SS18L1: variants seen among roughly 807,000 people sequenced by gnomAD.
SS18L1 encodes calcium-responsive transactivator.
Under a neutral mutation model 70.3 loss-of-function variants are expected in SS18L1, and 32 were observed. The ratio of observed to expected loss-of-function variants is 0.46; its 90% CI spans 0.34 to 0.61. SS18L1 has a LOEUF of 0.61. SS18L1 is among the 20% of genes least tolerant of loss of function. The probability of loss-of-function intolerance (pLI) is 0.01; values close to 1 mark genes in which losing one functional copy is unlikely to be tolerated. For missense variants in SS18L1, 430 were observed against 542.1 expected (o/e 0.79, Z 2.05); for synonymous variants, 237 against 229.7 (o/e 1.03, Z -0.29).
intron 1 of SS18L1, among the ~76,000 whole-genome samples, chr20:62,145,402 C>G (rs1431489842): frequency 2.0e-5 from 3 of 152,144 alleles, no homozygotes; most frequent in African/African-American, 7.2e-5. Flanking sequence ...TGTTGGTGCC[C>G]CTTGATCTGG....
chr20:62,160,751 T>G (rs573367183), intron 3 of SS18L1, among the ~76,000 whole-genome samples: 94 of 152,056 alleles, frequency 6.2e-4, no homozygotes, highest in African/African-American at 2.2e-3. Context: ...GTCTTGCGAG[T>G]AAAAATGTTA....
intron 1 of SS18L1, chr20:62,154,522 G>C (rs942431173): frequency 1.6e-5 from 16 of 1,016,874 alleles, no homozygotes; most frequent in Non-Finnish European, 1.7e-5. Context: ...CCCCCCAGAG[G>C]TCTCCGTTGG....
rs537968109 is a variant in SS18L1 at position 62,161,808 on chromosome 20, C to T, written c.376+228C>T. Among the ~76,000 whole-genome samples the T allele has an allele frequency of 2.0e-5, 3 of 152,260 alleles. No homozygotes were observed. Among genetic ancestry groups the T allele is most frequent in the Admixed American group, 2.0e-4 (3 of 15,292 alleles). ...CTCCAGTTGTCCACTCTCTCTGACA[C>T]TGTCACGTTCCATCAAATTCAAATG... On this transcript the variant is annotated intron_variant, in intron 4 of 10. Coordinates refer to ENST00000331758, the MANE Select transcript of SS18L1 (RefSeq NM_198935.3). The surrounding 1 kb of genome is among the most constrained non-coding windows in gnomAD (Gnocchi z 4.4).
intron 1 of SS18L1, among the ~76,000 whole-genome samples, chr20:62,150,376 G>T (rs374234305): frequency 1.3e-5 from 2 of 152,348 alleles, no homozygotes; most frequent in Admixed American, 1.3e-4. Flanking sequence ...AGGCGCTAGC[G>T]CAGGTGCCAT....
chr20:62,163,857 G>A (rs988351960), intron 6 of SS18L1, among the ~76,000 whole-genome samples: 1 of 152,106 alleles, frequency 6.6e-6, no homozygotes, highest in Non-Finnish European at 1.5e-5. Flanking sequence ...AGGGGCGGCA[G>A]TTGTCATTAA....
intron 1 of SS18L1, among the ~76,000 whole-genome samples, chr20:62,155,937 C>A (rs1161737231): frequency 6.6e-6 from 1 of 152,108 alleles, no homozygotes; most frequent in Non-Finnish European, 1.5e-5. Flanking sequence ...TTGGGGTGTC[C>A]AGTCTTCCAC....
At chr20:62,168,648 C>G (rs988540989) in intron 8 of SS18L1, among the ~76,000 whole-genome samples, 1 of 151,370 alleles carries the variant, frequency 6.6e-6, no homozygotes, top group Non-Finnish European at 1.5e-5. Context: ...GTAAGACCCC[C>G]TCTCTACTAA....
intron 10 of SS18L1, among the ~76,000 whole-genome samples, chr20:62,178,675 T>C (rs768194620): frequency 1.3e-5 from 2 of 152,252 alleles, no homozygotes; most frequent in African/African-American, 2.4e-5. Flanking sequence ...ACCCTCCAAG[T>C]ATCTGGGACT....
At chr20:62,146,575 A>G (rs538012196) in intron 1 of SS18L1, among the ~76,000 whole-genome samples, 2 of 143,316 alleles carry the variant, frequency 1.4e-5, no homozygotes, top group South Asian at 2.3e-4. Context: ...TCTGGCTTGT[A>G]GGTGCATCCA....
At chr20:62,148,775 C>T (rs73307267) in intron 1 of SS18L1, among the ~76,000 whole-genome samples, 9,150 of 152,352 alleles carry the variant, frequency 0.06, 350 homozygotes, top group African/African-American at 0.098. Flanking sequence ...TGGCCATACA[C>T]CCTCTTGCTG....
rs749877566 is a variant in SS18L1 at position 62,143,778 on chromosome 20, G to T, written c.-43G>T. ...CCTCGGGCCGCCCAGCGCAGCCGGA[G>T]TATCCACCTCGATGACCACGGGCTG... is the stretch of plus-strand genomic sequence containing the variant. On this transcript the variant is annotated 5_prime_UTR_variant, in exon 1 of 11. Transcript: ENST00000331758. 4 of 1,329,496 alleles carry T rather than the reference G, an allele frequency of 3.0e-6. No individual in the cohort carries two copies. In the Admixed American group the frequency reaches 9.1e-5, roughly 30 times the overall value. 82.4% of individuals were successfully genotyped at this position (1,329,496 alleles called of 1,614,324 possible).
Position 62,180,380 on chromosome 20 carries a change from GA to G in SS18L1, c.*1179del, listed in dbSNP as rs879347041. The G allele has an allele frequency of 1.1e-4, 20 of 185,930 alleles. No individual in the cohort carries two copies. The highest frequency in any genetic ancestry group is 3.1e-4 in the African/African-American group (13 of 42,540). The allele number at this position is 185,930 out of a possible 1,614,324, so 11.5% of individuals were successfully genotyped here. On this transcript the variant is annotated 3_prime_UTR_variant, in exon 11 of 11. Coordinates refer to ENST00000331758, the MANE Select transcript of SS18L1 (RefSeq NM_198935.3). ...CACACTTGCAAAAGTATGGTCAAAGGAAAAAAATCCCACATTTCAATTAACA... is the reference window on the plus strand; with the variant it reads ...CACACTTGCAAAAGTATGGTCAAAGGAAAAAATCCCACATTTCAATTAACA...
chr20:62,144,038 T>G, intron 1 of SS18L1, 149 bp downstream of exon 1: 1 of 342,248 alleles, frequency 2.9e-6, no homozygotes, highest in Non-Finnish European at 4.1e-6. Flanking sequence ...CCCCGTGCCC[T>G]TCCCCGCGTC....
chr20:62,172,662 G>GTGTC lies in SS18L1; in HGVS notation c.917-18_917-15dup. 6.2e-7 allele frequency: 1 copy of GTGTC among 1,614,090 alleles called. No homozygotes were observed. The highest frequency in any genetic ancestry group is 1.1e-5 in the South Asian group (1 of 91,084). ...AGCCCAGGTGGGGAAAGTCATTTCT[G>GTGTC]TGTCTCCTCCTCCCTCCAGGAAACT... On this transcript the variant is annotated intron_variant, in intron 8 of 10. Coordinates refer to ENST00000331758, the MANE Select transcript of SS18L1 (RefSeq NM_198935.3).
intron 1 of SS18L1, chr20:62,154,468 G>C (rs2057187357): frequency 1.9e-6 from 2 of 1,028,008 alleles, no homozygotes; most frequent in South Asian, 4.6e-5. Context: ...CCTCCATGGT[G>C]AGTTCATCTC....
chr20:62,169,268 CTG>C (rs569738972), intron 8 of SS18L1, among the ~76,000 whole-genome samples: 345 of 152,326 alleles, frequency 2.3e-3, no homozygotes, highest in Non-Finnish European at 4.0e-3. Context: ...CAAGAGGAGA[CTG>C]TGCCCTTGCA....
intron 1 of SS18L1, among the ~76,000 whole-genome samples, chr20:62,156,476 C>T (rs1403528941): frequency 2.0e-5 from 3 of 152,196 alleles, no homozygotes; most frequent in African/African-American, 7.2e-5. Context: ...ACCTTGTCCC[C>T]AGCAGGGAGA....
intron 8 of SS18L1, among the ~76,000 whole-genome samples, chr20:62,169,323 ACAAC>A (rs1056985722): frequency 6.6e-6 from 1 of 152,196 alleles, no homozygotes; most frequent in Non-Finnish European, 1.5e-5. Context: ...AAACACCAAA[ACAAC>A]CAACACAAAT....
intron 8 of SS18L1, among the ~76,000 whole-genome samples, chr20:62,167,503 T>C (rs574715590): frequency 2.2e-4 from 33 of 151,334 alleles, no homozygotes; most frequent in African/African-American, 7.5e-4. Flanking sequence ...GAGGTTGCAG[T>C]GAGTTGAGAT....
Sources: allele counts gnomAD v4.1 joint callset (sites outside exome capture counted in the v4.1 genomes callset), GRCh38; gene constraint gnomAD v4.1.1; non-coding constraint Gnocchi (gnomAD v3.1); transcripts MANE v1.5; gene names NCBI Gene and HGNC (gene_info 2026-07-23, HGNC 2026-07-21).